RBFOX1: variants seen among roughly 807,000 people sequenced by gnomAD.
RBFOX1 encodes RNA binding protein fox-1 homolog 1.
Under a neutral mutation model 57.7 loss-of-function variants are expected in RBFOX1, and 8 were observed. The ratio of observed to expected loss-of-function variants is 0.14; its 90% CI spans 0.08 to 0.25. The LOEUF is 0.25. RBFOX1 is among the 10% of genes least tolerant of loss of function. The probability of loss-of-function intolerance (pLI) is 1.00; values close to 1 mark genes in which losing one functional copy is unlikely to be tolerated. For synonymous variants in RBFOX1, 326 were observed against 222.4 expected, an observed-to-expected ratio of 1.47 and a Z score of -4.15; for missense variants, 611 against 548.5, an observed-to-expected ratio of 1.11 and a Z score of -1.14.
At chr16:7,268,487 C>T (rs983960064) in intron 4 of RBFOX1, among the ~76,000 whole-genome samples, 1 of 152,184 alleles carries the variant, frequency 6.6e-6, no homozygotes, top group African/African-American at 2.4e-5. Flanking sequence ...GTGCCTGACA[C>T]TCCTTTCCAA....
chr16:7,096,679 C>T (rs1177234995), intron 4 of RBFOX1, among the ~76,000 whole-genome samples: 2 of 152,058 alleles, frequency 1.3e-5, no homozygotes, highest in African/African-American at 4.8e-5. Flanking sequence ...TGCCTGTAAT[C>T]CCAGCACTTT....
In RBFOX1 at chr16:7,419,252, T is replaced by A. The variant is rs577044058; in HGVS notation, c.28-98895T>A. 3.9e-5 allele frequency among the ~76,000 whole-genome samples: 6 copies of A among 152,296 alleles called. No homozygotes were observed. The South Asian group carries it at 6.2e-4, about 16-fold the overall frequency. ...GTTTTTATCATGTCCTTAGTCTTGT[T>A]GGTTGCTGCCTTGTCCCTTTACCTG... On this transcript the variant is annotated intron_variant, in intron 4 of 15. Coordinates refer to ENST00000550418, the MANE Select transcript of RBFOX1 (RefSeq NM_018723.4).
rs142201534 is a variant in RBFOX1 at position 7,213,853 on chromosome 16, C to G, written c.27+161755C>G. Among the ~76,000 whole-genome samples the G allele has an allele frequency of 1.5e-3, 225 of 152,258 alleles. 1 individual carries two copies. The highest frequency in any genetic ancestry group is 5.2e-3 in the African/African-American group (216 of 41,548). ...ATGGATGAGGGTTGAAAAAGTCCTG[C>G]CCAGCAATAGGGGGAACGACTCAAA... On this transcript the variant is annotated intron_variant, in intron 4 of 15. Transcript: ENST00000550418.
intron 3 of RBFOX1, among the ~76,000 whole-genome samples, chr16:6,727,863 T>A (rs2154170837): frequency 6.6e-6 from 1 of 152,324 alleles, no homozygotes; most frequent in Non-Finnish European, 1.5e-5. Context: ...TTAGTGGCAT[T>A]AACTTACAGT....
At chr16:7,657,533 G>A (rs1156891033) in intron 12 of RBFOX1, among the ~76,000 whole-genome samples, 2 of 152,188 alleles carry the variant, frequency 1.3e-5, no homozygotes, top group Admixed American at 6.5e-5. Flanking sequence ...TTGAACTCCT[G>A]ACCTCAGGTG....
chr16:6,126,350 G>A (rs1232064128), intron 1 of RBFOX1, among the ~76,000 whole-genome samples: 6 of 152,220 alleles, frequency 3.9e-5, no homozygotes, highest in African/African-American at 1.2e-4. Context: ...CTTTCTGGCA[G>A]TCATCATAGC....
chr16:7,364,394 A>T (rs2097395097), intron 4 of RBFOX1, among the ~76,000 whole-genome samples: 1 of 152,138 alleles, frequency 6.6e-6, no homozygotes, highest in South Asian at 2.1e-4. Context: ...TATGGTGCTA[A>T]TTCATAGATC....
intron 3 of RBFOX1, among the ~76,000 whole-genome samples, chr16:6,841,840 C>T (rs954788726): frequency 6.6e-6 from 1 of 151,968 alleles, no homozygotes; most frequent in Non-Finnish European, 1.5e-5. Flanking sequence ...AATTTTTTAG[C>T]ATAAAAAATT....
chr16:5,269,250 T>C (rs1488384491), intron 1 of RBFOX1, among the ~76,000 whole-genome samples: 5 of 152,256 alleles, frequency 3.3e-5, no homozygotes, highest in Admixed American at 2.0e-4. Context: ...GCCATCCTTA[T>C]GGGTATGATG....
At chr16:6,465,685 T>A (rs2095032603) in intron 2 of RBFOX1, among the ~76,000 whole-genome samples, 1 of 151,290 alleles carries the variant, frequency 6.6e-6, no homozygotes, top group Non-Finnish European at 1.5e-5. Flanking sequence ...CCTGCATATT[T>A]GTTTCTGTAT....
intron 2 of RBFOX1, chr16:6,483,722 T>G (rs992217555): frequency 5.0e-6 from 7 of 1,413,514 alleles, no homozygotes; most frequent in Middle Eastern, 2.6e-4. Flanking sequence ...AGTGTGCAAA[T>G]TGACATTTTT....
At chr16:6,025,668 C>G (rs1397936730) in intron 1 of RBFOX1, among the ~76,000 whole-genome samples, 1 of 152,130 alleles carries the variant, frequency 6.6e-6, no homozygotes, top group Non-Finnish European at 1.5e-5. Context: ...CAGATTCTCC[C>G]ATTGGTAGGT....
intron 3 of RBFOX1, among the ~76,000 whole-genome samples, chr16:6,750,136 T>C (rs1434222030): frequency 4.6e-5 from 7 of 152,296 alleles, no homozygotes; most frequent in Non-Finnish European, 1.5e-5. Flanking sequence ...CTGTTGTATT[T>C]GCATTGAGTG....
At chr16:5,312,650 A>T (rs946592385) in intron 1 of RBFOX1, among the ~76,000 whole-genome samples, 4 of 152,206 alleles carry the variant, frequency 2.6e-5, no homozygotes, top group African/African-American at 9.7e-5. Context: ...GGGATCCATT[A>T]GGCTCATCTA....
At chr16:6,446,060 G>A (rs1178768908) in intron 2 of RBFOX1, among the ~76,000 whole-genome samples, 1 of 152,106 alleles carries the variant, frequency 6.6e-6, no homozygotes, top group Non-Finnish European at 1.5e-5. Flanking sequence ...CAACTTCTGG[G>A]CTCAAGCAAT....
At position 6,338,803 on chromosome 16, in the gene RBFOX1, C is replaced by A. The variant is rs149330701; in HGVS notation, c.-64+21746C>A. Among the ~76,000 whole-genome samples the A allele has an allele frequency of 8.5e-4, 130 of 152,296 alleles. 2 individuals carry two copies. The East Asian group carries it at 0.021, about 25-fold the overall frequency. On this transcript the variant is annotated intron_variant, in intron 2 of 15. Coordinates refer to ENST00000550418, the MANE Select transcript of RBFOX1 (RefSeq NM_018723.4). ...TATGTTCACTTTCAAAAGTACGGAA[C>A]AATTTGAACCTGTAGAAATGTATCC...
At chr16:7,372,806 A>G (rs1287912366) in intron 4 of RBFOX1, among the ~76,000 whole-genome samples, 1 of 152,122 alleles carries the variant, frequency 6.6e-6, no homozygotes, top group Non-Finnish European at 1.5e-5. Flanking sequence ...GGAGGAAAAG[A>G]GAAGAGCAGG....
intron 12 of RBFOX1, among the ~76,000 whole-genome samples, chr16:7,655,106 C>G (rs529928012): frequency 6.6e-6 from 1 of 152,274 alleles, no homozygotes; most frequent in Non-Finnish European, 1.5e-5. Context: ...TTCAGAAAAT[C>G]TACATTAGCC....
chr16:6,243,551 C>T (rs2097551401), intron 1 of RBFOX1, among the ~76,000 whole-genome samples: 1 of 152,168 alleles, frequency 6.6e-6, no homozygotes, highest in Non-Finnish European at 1.5e-5. Context: ...AGTCCTCGTT[C>T]AGCAAGAAGC....
Sources: allele counts gnomAD v4.1 joint callset (sites outside exome capture counted in the v4.1 genomes callset), GRCh38; gene constraint gnomAD v4.1.1; transcripts MANE v1.5; gene names NCBI Gene and HGNC (gene_info 2026-07-23, HGNC 2026-07-21).